The following KLF7 variants were observed in gnomAD, a reference collection of about 807,000 sequenced individuals.
KLF7 encodes KLF transcription factor 7.
A neutral mutation model predicts 27.3 loss-of-function variants in KLF7; 2 were observed. The ratio of observed to expected loss-of-function variants is 0.07; its 90% CI spans 0.03 to 0.23. KLF7 has a LOEUF of 0.23. Ranked by LOEUF, KLF7 falls within the 10% of genes least tolerant of loss-of-function variation. The pLI is 1.00. For synonymous variants in KLF7, 165 were observed against 162.4 expected (o/e 1.02, Z -0.12); for missense variants, 221 against 394.1 (o/e 0.56, Z 3.72).
intron 1 of KLF7, among the ~76,000 whole-genome samples, chr2:207,130,358 G>A (rs974119320): frequency 2.6e-5 from 4 of 152,152 alleles, no homozygotes; most frequent in Non-Finnish European, 4.4e-5. Context: ...ACAATTAAAC[G>A]GTATTTCCAA....
chr2:207,167,194 G>T, upstream of KLF7: 2 of 1,387,846 alleles, frequency 1.4e-6, no homozygotes, highest in Non-Finnish European at 1.9e-6. Context: ...GGAGGAACTC[G>T]ATTTCTCGTT....
At chr2:207,114,305 A>G (rs1015422086) in intron 2 of KLF7, among the ~76,000 whole-genome samples, 4 of 152,238 alleles carry the variant, frequency 2.6e-5, no homozygotes, top group African/African-American at 7.2e-5. Flanking sequence ...TGAGAATTCA[A>G]TATGAGGGAT....
chr2:207,148,910 C>T, intron 1 of KLF7: 1 of 660,086 alleles, frequency 1.5e-6, no homozygotes, highest in Non-Finnish European at 2.0e-6. Context: ...TCCTATCACC[C>T]CTCCACCCTC....
chr2:207,172,096 A>C (rs10195438), upstream of KLF7, among the ~76,000 whole-genome samples: 89,329 of 151,872 alleles, frequency 0.59, 27,728 homozygotes, highest in East Asian at 0.87. Flanking sequence ...TAAAGCAGGA[A>C]TTTCTCTCTG....
intron 1 of KLF7, among the ~76,000 whole-genome samples, chr2:207,156,405 C>G (rs2078384841): frequency 6.6e-6 from 1 of 152,202 alleles, no homozygotes; most frequent in Non-Finnish European, 1.5e-5. Context: ...GAGTCTACTT[C>G]CAAACACTGT....
chr2:207,088,299 C>G (rs2076436651), intron 3 of KLF7, among the ~76,000 whole-genome samples, 159 bp downstream of exon 3: 1 of 152,134 alleles, frequency 6.6e-6, no homozygotes, highest in Non-Finnish European at 1.5e-5. Context: ...AGAGGGCACC[C>G]CCTCTTCTCA....
chr2:207,115,637 A>G (rs2077158738), intron 2 of KLF7, among the ~76,000 whole-genome samples: 1 of 152,240 alleles, frequency 6.6e-6, no homozygotes, highest in Non-Finnish European at 1.5e-5. Context: ...AAAGGAAGCC[A>G]CTTTTAGAAA....
At chr2:207,155,223 A>G (rs891943993) in intron 1 of KLF7, among the ~76,000 whole-genome samples, 2 of 152,252 alleles carry the variant, frequency 1.3e-5, no homozygotes, top group Admixed American at 1.3e-4. Context: ...TGATGGATAC[A>G]GGTGCTCAAA....
rs1574566284 is a variant in KLF7, at chr2:207,148,746, C to G, written c.102+16721G>C. On this transcript the variant is annotated intron_variant, in intron 1 of 3. Coordinates refer to ENST00000309446, the MANE Select transcript of KLF7 (RefSeq NM_003709.4). ...ACTGCCCCTTCAGATAGGGTCTATA[C>G]TTTCTATGTCACCACAGTTCCCACC... is the stretch of plus-strand genomic sequence containing the variant. Among the ~76,000 whole-genome samples the G allele has an allele frequency of 2.6e-5, 4 of 152,284 alleles. No individual in the cohort carries two copies. In the Middle Eastern group the frequency reaches 0.014, roughly 518 times the overall value.
chr2:207,144,152 G>A (rs1283794094), intron 1 of KLF7, among the ~76,000 whole-genome samples: 3 of 110,878 alleles, frequency 2.7e-5, no homozygotes, highest in Non-Finnish European at 5.5e-5. Context: ...TCTAGGAGTC[G>A]TCACAGCGGG....
At chr2:207,157,340 G>A (rs902996929) in intron 1 of KLF7, among the ~76,000 whole-genome samples, 1 of 151,988 alleles carries the variant, frequency 6.6e-6, no homozygotes, top group Non-Finnish European at 1.5e-5. Context: ...TTGGCTGGTA[G>A]CAAGGGAGGG....
intron 2 of KLF7, among the ~76,000 whole-genome samples, chr2:207,090,391 G>A (rs528267855): frequency 5.9e-5 from 9 of 152,316 alleles, no homozygotes; most frequent in Admixed American, 3.3e-4. Flanking sequence ...ATCTTGCTGC[G>A]TTCATTCCAG....
At chr2:207,173,836 C>CA in the KLF7 span, 3 of 152,048 alleles carry the variant, frequency 2.0e-5, no homozygotes, top group African/African-American at 7.3e-5. Context: ...ACAAGTCCAG[C>CA]AAAAGTTCAC....
intron 2 of KLF7, among the ~76,000 whole-genome samples, chr2:207,114,653 C>T (rs928797018): frequency 6.6e-6 from 1 of 152,200 alleles, no homozygotes; most frequent in Non-Finnish European, 1.5e-5. Context: ...TCTCATTTAA[C>T]ATTGGCTTCA....
At chr2:207,157,510 T>A (rs1296387659) in intron 1 of KLF7, among the ~76,000 whole-genome samples, 1 of 152,180 alleles carries the variant, frequency 6.6e-6, no homozygotes, top group Non-Finnish European at 1.5e-5. Flanking sequence ...ATTTACTACA[T>A]GTGAAAAGGG....
chr2:207,082,883 C>T (rs770138650), intron 3 of KLF7, among the ~76,000 whole-genome samples: 2 of 152,186 alleles, frequency 1.3e-5, no homozygotes, highest in Non-Finnish European at 2.9e-5. Flanking sequence ...ATTCTCCACA[C>T]CCCCTGTTTG....
At chr2:207,130,588 C>T (rs759303367) in intron 1 of KLF7, among the ~76,000 whole-genome samples, 11 of 152,170 alleles carry the variant, frequency 7.2e-5, no homozygotes, top group Non-Finnish European at 1.6e-4. Flanking sequence ...GAGCTAGAAT[C>T]GTCTCACAAC....
In KLF7 at chr2:207,078,865, C is replaced by T. The variant is rs2076219591; in HGVS notation, c.*2348G>A. 6.6e-6 allele frequency: 1 copy of T among 152,144 alleles called. No homozygotes were observed. Among genetic ancestry groups the T allele is most frequent in the South Asian group, 2.1e-4 (1 of 4,826 alleles). 9.4% of individuals were successfully genotyped at this position (152,144 alleles called of 1,614,324 possible). A position where few individuals can be genotyped will look rare whatever the true frequency, so the allele number is the denominator to read the frequency against. ...AAATGCACTCAAATGCAGCAGAGAA[C>T]TACGAGATTGTCAGCAAGCAGTGCT... On this transcript the variant is annotated 3_prime_UTR_variant, in exon 4 of 4. Coordinates refer to ENST00000309446, the MANE Select transcript of KLF7 (RefSeq NM_003709.4).
intron 1 of KLF7, among the ~76,000 whole-genome samples, chr2:207,142,433 T>G (rs1177357309): frequency 6.6e-6 from 1 of 152,232 alleles, no homozygotes; most frequent in Middle Eastern, 3.2e-3. Context: ...TGCTGGAGAC[T>G]TCAAGCGATT....
Sources: gnomAD v4.1 joint callset for allele counts (sites outside exome capture counted in the v4.1 genomes callset) on GRCh38, gnomAD v4.1.1 for gene constraint, MANE v1.5 for transcripts, NCBI Gene and HGNC (gene_info 2026-07-23, HGNC 2026-07-21) for gene names.